MGAT4C: variants seen among roughly 807,000 people sequenced by gnomAD.
MGAT4C encodes the protein MGAT4 family member C, also known as alpha-1,3-mannosyl-glycoprotein 4-beta-N-acetylglucosaminyltransferase C.
Under a neutral mutation model 40.1 loss-of-function variants are expected in MGAT4C, and 19 were observed. The ratio of observed to expected loss-of-function variants is 0.47; its 90% CI spans 0.33 to 0.70. The LOEUF is 0.70. Ranked by LOEUF, MGAT4C falls within the 30% of genes least tolerant of loss-of-function variation. The probability of loss-of-function intolerance (pLI) is 0.02; values close to 1 mark genes in which losing one functional copy is unlikely to be tolerated. For missense variants in MGAT4C, 491 were observed against 563.2 expected (o/e 0.87, Z 1.30); for synonymous variants, 181 against 187.1 (o/e 0.97, Z 0.27).
intron 2 of MGAT4C, among the ~76,000 whole-genome samples, chr12:86,698,435 T>C (rs1392629544): frequency 6.6e-6 from 1 of 152,062 alleles, no homozygotes; most frequent in African/African-American, 2.4e-5. Context: ...CAAAAACATT[T>C]GTTACCACAC....
At chr12:86,541,774 T>C (rs1018395515) in intron 2 of MGAT4C, among the ~76,000 whole-genome samples, 4 of 152,344 alleles carry the variant, frequency 2.6e-5, no homozygotes, top group African/African-American at 4.8e-5. Context: ...GATGTCAACA[T>C]TGATTCATCT....
At chr12:86,049,934 C>T (rs1892740288) in intron 1 of MGAT4C, among the ~76,000 whole-genome samples, 1 of 151,612 alleles carries the variant, frequency 6.6e-6, no homozygotes, top group Admixed American at 6.6e-5. Flanking sequence ...AATAGACATA[C>T]CTTTGTATTA....
rs1304803735 is a variant in MGAT4C, at chr12:86,238,059, T to C, written c.-57+18180A>G. ...GCCATCAATAAGTATAATAAGTGAG[T>C]TTGTTTAGTCATTTCCCTTTACTTT... is the stretch of plus-strand genomic sequence containing the variant. On this transcript the variant is annotated intron_variant, in intron 1 of 4. Coordinates refer to ENST00000611864, the MANE Select transcript of MGAT4C (RefSeq NM_001351288.2). 2.0e-5 allele frequency among the ~76,000 whole-genome samples: 3 copies of C among 151,836 alleles called. No homozygotes were observed. In the East Asian group the frequency reaches 5.8e-4, roughly 29 times the overall value.
intron 4 of MGAT4C, among the ~76,000 whole-genome samples, chr12:86,307,847 C>T (rs1314420751): frequency 6.7e-6 from 1 of 149,300 alleles, no homozygotes; most frequent in East Asian, 2.0e-4. Context: ...GGACTACAGG[C>T]GCCCGCCACT....
At chr12:86,654,247 CAAG>C (rs1224209170) in intron 2 of MGAT4C, among the ~76,000 whole-genome samples, 4 of 151,596 alleles carry the variant, frequency 2.6e-5, no homozygotes, top group Non-Finnish European at 5.9e-5. Context: ...TTGCATCAGA[CAAG>C]GAGGGTAAAG....
intron 1 of MGAT4C, among the ~76,000 whole-genome samples, chr12:86,199,050 A>G (rs1949932874): frequency 1.3e-5 from 2 of 152,214 alleles, no homozygotes; most frequent in Non-Finnish European, 2.9e-5. Context: ...TACCTTAATG[A>G]TAATGCTGAA....
At chr12:86,314,245 G>A (rs1163824921) in intron 4 of MGAT4C, among the ~76,000 whole-genome samples, 1 of 152,162 alleles carries the variant, frequency 6.6e-6, no homozygotes, top group Non-Finnish European at 1.5e-5. Context: ...TAAAAATAGA[G>A]AGATGGAGGA....
intron 1 of MGAT4C, among the ~76,000 whole-genome samples, chr12:86,124,605 C>T (rs1011048484): frequency 2.6e-5 from 4 of 151,806 alleles, no homozygotes; most frequent in African/African-American, 7.3e-5. Flanking sequence ...CATAAAATTT[C>T]GGCTGAAAAT....
chr12:86,794,981 G>A (rs1223636337), intron 1 of MGAT4C, among the ~76,000 whole-genome samples: 1 of 151,714 alleles, frequency 6.6e-6, no homozygotes, highest in Non-Finnish European at 1.5e-5. Context: ...TATTTGATCT[G>A]ATAATTACTT....
At chr12:86,156,253 G>C (rs185564480) in intron 1 of MGAT4C, among the ~76,000 whole-genome samples, 6 of 152,228 alleles carry the variant, frequency 3.9e-5, no homozygotes, top group Admixed American at 2.0e-4. Flanking sequence ...TAATTAAATA[G>C]ATATGAAGGT....
At chr12:86,612,425 T>A (rs371779998) in intron 2 of MGAT4C, among the ~76,000 whole-genome samples, 27 of 152,222 alleles carry the variant, frequency 1.8e-4, no homozygotes, top group African/African-American at 6.5e-4. Flanking sequence ...GAGGGTTTAC[T>A]CATCTTTTAA....
chr12:86,505,912 T>G (rs967123121), intron 2 of MGAT4C, among the ~76,000 whole-genome samples: 1 of 152,104 alleles, frequency 6.6e-6, no homozygotes, highest in African/African-American at 2.4e-5. Flanking sequence ...ATCTAGATTT[T>G]AAACAGAAGA....
Position 86,752,822 on chromosome 12 carries a change from T to C in MGAT4C, c.-261-25581A>G, listed in dbSNP as rs7970546. Among the ~76,000 whole-genome samples, 513 of 152,210 alleles carry C rather than the reference T, an allele frequency of 3.4e-3. 4 individuals are homozygous for C. Among genetic ancestry groups the C allele is most frequent in the African/African-American group, 0.012 (489 of 41,552 alleles). On this transcript the variant is annotated intron_variant, in intron 1 of 7. Transcript: ENST00000548651. ...TTGAACAAATATACCCTTTTTAAAA[T>C]ATCTTGCTGGAACAATTGCCTATCC...
At chr12:86,341,044 G>A (rs1311382991) in intron 3 of MGAT4C, among the ~76,000 whole-genome samples, 3 of 152,108 alleles carry the variant, frequency 2.0e-5, no homozygotes, top group Non-Finnish European at 4.4e-5. Flanking sequence ...TGGCTCTCAC[G>A]GAGAGGAACA....
At chr12:86,420,003 G>C (rs1230095720) in intron 3 of MGAT4C, among the ~76,000 whole-genome samples, 2 of 78,348 alleles carry the variant, frequency 2.6e-5, no homozygotes, top group Non-Finnish European at 5.5e-5. Context: ...TTGCAATAAA[G>C]ACCATAATTT....
chr12:86,638,476 G>T (rs1390803595), intron 2 of MGAT4C, among the ~76,000 whole-genome samples: 1 of 151,830 alleles, frequency 6.6e-6, no homozygotes, highest in Non-Finnish European at 1.5e-5. Flanking sequence ...AGGATAAGAT[G>T]AGGTAATAAA....
intron 4 of MGAT4C, among the ~76,000 whole-genome samples, chr12:86,333,814 A>G (rs1178663802): frequency 1.3e-5 from 2 of 152,180 alleles, no homozygotes; most frequent in Non-Finnish European, 2.9e-5. Flanking sequence ...ATGTAAAACC[A>G]TATGCCTTAA....
intron 3 of MGAT4C, among the ~76,000 whole-genome samples, chr12:86,402,912 C>G (rs952830750): frequency 6.6e-6 from 1 of 152,108 alleles, no homozygotes; most frequent in Non-Finnish European, 1.5e-5. Flanking sequence ...TTTCTCCCAG[C>G]TGACTCTGAA....
rs147041537 is a variant in MGAT4C, at chr12:86,215,488, G to A, written c.-57+40751C>T. On this transcript the variant is annotated intron_variant, in intron 1 of 4. Coordinates refer to ENST00000611864, the MANE Select transcript of MGAT4C (RefSeq NM_001351288.2). Reference sequence around the variant, plus strand: ...GAGTATACTCTTTTAATAAGTAGCAGAATTTCAGCCAATGATAATAGCCAA... The same window carrying A: ...GAGTATACTCTTTTAATAAGTAGCAAAATTTCAGCCAATGATAATAGCCAA... Among the ~76,000 whole-genome samples, 386 of 152,220 alleles carry A rather than the reference G, an allele frequency of 2.5e-3. 3 individuals carry two copies. Among genetic ancestry groups the A allele is most frequent in the South Asian group, 4.1e-3 (20 of 4,824 alleles).
Sources: allele counts gnomAD v4.1 joint callset (sites outside exome capture counted in the v4.1 genomes callset), GRCh38; gene constraint gnomAD v4.1.1; transcripts MANE v1.5; gene names NCBI Gene and HGNC (gene_info 2026-07-23, HGNC 2026-07-21).